Variants in PRKCA observed in about 807,000 individuals in gnomAD.
PRKCA encodes the protein protein kinase C alpha, also known as protein kinase C alpha type.
Under a neutral mutation model 87.0 loss-of-function variants are expected in PRKCA, and 27 were observed. The observed-to-expected ratio is 0.31, with a 90% confidence interval of 0.23 to 0.43. The LOEUF (loss-of-function observed/expected upper bound fraction) is 0.43. PRKCA is among the 20% of genes least tolerant of loss of function. The pLI, the probability that PRKCA is intolerant of heterozygous loss-of-function variation, is 1.00. For synonymous variants in PRKCA, 329 were observed against 311.1 expected (o/e 1.06, Z -0.61); for missense variants, 518 against 852.3 (o/e 0.61, Z 4.88).
chr17:66,520,237 C>G (rs1436969676), intron 3 of PRKCA, among the ~76,000 whole-genome samples: 2 of 151,712 alleles, frequency 1.3e-5, no homozygotes, highest in Admixed American at 6.6e-5. Context: ...TCTCCTGCCT[C>G]AGTCTTCCAA....
chr17:66,653,688 C>T (rs535411423), intron 5 of PRKCA, among the ~76,000 whole-genome samples: 76 of 151,458 alleles, frequency 5.0e-4, no homozygotes, highest in Non-Finnish European at 1.0e-3. Flanking sequence ...GGGCCGTTTG[C>T]ATTCTGCATC....
intron 3 of PRKCA, among the ~76,000 whole-genome samples, chr17:66,612,435 AAG>A (rs1970397231): frequency 6.6e-6 from 1 of 151,570 alleles, no homozygotes; most frequent in South Asian, 2.1e-4. Flanking sequence ...TTAAACACCC[AAG>A]AGACATTATT....
chr17:66,640,222 AG>A (rs1281581904), intron 3 of PRKCA, among the ~76,000 whole-genome samples: 1 of 152,200 alleles, frequency 6.6e-6, no homozygotes, highest in African/African-American at 2.4e-5. Flanking sequence ...AATTCGTCCA[AG>A]GCCATGCCTC....
chr17:66,307,384 G>A (rs1904876641), intron 2 of PRKCA, among the ~76,000 whole-genome samples: 1 of 152,132 alleles, frequency 6.6e-6, no homozygotes, highest in South Asian at 2.1e-4. Context: ...GGTGAGATTT[G>A]AGCCTAGGCT....
At chr17:66,562,109 T>A (rs1968711303) in intron 3 of PRKCA, among the ~76,000 whole-genome samples, 1 of 112,000 alleles carries the variant, frequency 8.9e-6, no homozygotes, top group Admixed American at 9.9e-5. Flanking sequence ...AATTAAATTA[T>A]ATATATAATT....
At chr17:66,673,042 T>C (rs1972235095) in intron 5 of PRKCA, among the ~76,000 whole-genome samples, 1 of 152,222 alleles carries the variant, frequency 6.6e-6, no homozygotes, top group African/African-American at 2.4e-5. Flanking sequence ...AATATCTTCC[T>C]ACGTTGTTTA....
intron 2 of PRKCA, among the ~76,000 whole-genome samples, chr17:66,449,023 GC>G (rs1217791919): frequency 6.7e-6 from 1 of 149,786 alleles, no homozygotes; most frequent in Non-Finnish European, 1.5e-5. Flanking sequence ...GGTGGCTCAT[GC>G]CTGTAATCCT....
At position 66,596,168 on chromosome 17, in the gene PRKCA, C is replaced by T. The variant is rs370820178; in HGVS notation, c.289-45187C>T. ...GCAGGTGGTTGTGGTGCCTGTCATTCATCTCCCAGGGCTGGCTTGATAAAC... is the reference window on the plus strand; with the variant it reads ...GCAGGTGGTTGTGGTGCCTGTCATTTATCTCCCAGGGCTGGCTTGATAAAC... On this transcript the variant is annotated intron_variant, in intron 3 of 16. Coordinates refer to ENST00000413366, the MANE Select transcript of PRKCA (RefSeq NM_002737.3). Among the ~76,000 whole-genome samples, 26 of 152,330 alleles carry T rather than the reference C, an allele frequency of 1.7e-4. No homozygotes were observed. In the East Asian group the frequency reaches 5.0e-3, roughly 29 times the overall value.
chr17:66,653,651 C>T (rs1971650011), intron 5 of PRKCA, among the ~76,000 whole-genome samples: 1 of 152,132 alleles, frequency 6.6e-6, no homozygotes. Flanking sequence ...TATAAATAAA[C>T]ATCAAGGAGT....
At chr17:66,706,922 G>A (rs1047895747) in intron 8 of PRKCA, among the ~76,000 whole-genome samples, 2 of 152,076 alleles carry the variant, frequency 1.3e-5, no homozygotes, top group Non-Finnish European at 2.9e-5. Context: ...GGAATAATAG[G>A]GTATTCAAAC....
At chr17:66,789,951 G>A (rs1054370410) in intron 16 of PRKCA, among the ~76,000 whole-genome samples, 3 of 152,238 alleles carry the variant, frequency 2.0e-5, no homozygotes, top group East Asian at 1.9e-4. Flanking sequence ...AGGGCCGGGC[G>A]GACTGTGCCT....
chr17:66,801,372 G>C (rs1448264655), intron 16 of PRKCA, among the ~76,000 whole-genome samples: 1 of 152,164 alleles, frequency 6.6e-6, no homozygotes, highest in Admixed American at 6.5e-5. Context: ...CCCAAGTCAT[G>C]ATGACCAAAA....
chr17:66,652,936 C>A (rs1304308019), intron 5 of PRKCA, among the ~76,000 whole-genome samples: 2 of 152,232 alleles, frequency 1.3e-5, no homozygotes, highest in African/African-American at 4.8e-5. Context: ...CTGCCTCAAC[C>A]CAACGCTGTG....
chr17:66,479,650 T>C (rs991839021), intron 2 of PRKCA, among the ~76,000 whole-genome samples: 11 of 152,148 alleles, frequency 7.2e-5, no homozygotes, highest in Non-Finnish European at 1.3e-4. Context: ...GTGGTACATA[T>C]ACACCATGGA....
chr17:66,497,252 C>G (rs1259513042), intron 3 of PRKCA, among the ~76,000 whole-genome samples: 1 of 152,126 alleles, frequency 6.6e-6, no homozygotes, highest in Admixed American at 6.6e-5. Flanking sequence ...AATCCCAGCA[C>G]TTTGGAAGGC....
At chr17:66,736,967 G>A (rs1323329628) in intron 10 of PRKCA, among the ~76,000 whole-genome samples, 2 of 152,142 alleles carry the variant, frequency 1.3e-5, no homozygotes, top group African/African-American at 4.8e-5. Context: ...AAAGTTTGCT[G>A]AGCTCTGTCG....
chr17:66,478,032 G>A (rs1042582259), intron 2 of PRKCA, among the ~76,000 whole-genome samples: 9 of 152,200 alleles, frequency 5.9e-5, no homozygotes, highest in Admixed American at 3.3e-4. Flanking sequence ...GGTTAAGGAC[G>A]TGCGCCCAGG....
chr17:66,345,278 G>T (rs1431788408), intron 2 of PRKCA, among the ~76,000 whole-genome samples: 1 of 152,170 alleles, frequency 6.6e-6, no homozygotes, highest in Non-Finnish European at 1.5e-5. Context: ...GTGTGTGTGT[G>T]TGTGTATTTA....
At chr17:66,492,725 A>G (rs988197451) in intron 2 of PRKCA, among the ~76,000 whole-genome samples, 2 of 152,246 alleles carry the variant, frequency 1.3e-5, no homozygotes, top group Admixed American at 6.5e-5. Flanking sequence ...TTGTGCCATC[A>G]CAGCACGGCT....
Sources: allele counts gnomAD v4.1 joint callset (sites outside exome capture counted in the v4.1 genomes callset), GRCh38; gene constraint gnomAD v4.1.1; transcripts MANE v1.5; gene names NCBI Gene and HGNC (gene_info 2026-07-23, HGNC 2026-07-21).